The following ATXN1 variants were observed in gnomAD, a reference collection of about 807,000 sequenced individuals.
ATXN1 encodes the protein ataxin 1.
A neutral mutation model predicts 56.4 loss-of-function variants in ATXN1; 8 were observed. That is an observed-to-expected ratio of 0.14 (90% confidence interval 0.08 to 0.26). The LOEUF (loss-of-function observed/expected upper bound fraction) is 0.26, where lower values mean the gene tolerates loss of function less well. ATXN1 is among the 10% of genes least tolerant of loss of function. The probability of loss-of-function intolerance (pLI) is 1.00; values close to 1 mark genes in which losing one functional copy is unlikely to be tolerated. For missense variants in ATXN1, 987 were observed against 1,106.5 expected, an observed-to-expected ratio of 0.89 and a Z score of 1.53; for synonymous variants, 514 against 494.6, an observed-to-expected ratio of 1.04 and a Z score of -0.52.
chr6:16,301,798 G>T lies in ATXN1; in HGVS notation c.*4531C>A, dbSNP rs757369579. ...ACACAGCTCAAGAAGCCCGGCCTTC[G>T]GTACCGAGAGCTCTGCTTCCTCACC... On this transcript the variant is annotated 3_prime_UTR_variant, in exon 8 of 8. Coordinates refer to ENST00000436367, the MANE Select transcript of ATXN1 (RefSeq NM_001128164.2). 1 of 152,604 alleles carries T rather than the reference G, an allele frequency of 6.6e-6. No individual in the cohort carries two copies. The highest frequency in any genetic ancestry group is 1.5e-5 in the Non-Finnish European group (1 of 68,042). 9.5% of individuals were successfully genotyped at this position (152,604 alleles called of 1,614,324 possible).
intron 2 of ATXN1, 59 bp downstream of exon 2, chr6:16,753,172 AAT>A: frequency 2.2e-6 from 1 of 450,514 alleles, no homozygotes; most frequent in South Asian, 1.6e-5. Context: ...GCTAGGAGGC[AAT>A]TTTCCAGGTC....
chr6:16,414,884 G>A (rs1351133142), intron 6 of ATXN1, among the ~76,000 whole-genome samples: 2 of 152,088 alleles, frequency 1.3e-5, no homozygotes, highest in African/African-American at 4.8e-5. Context: ...ATTAATAAAA[G>A]TATACAATTT....
chr6:16,696,156 C>G (rs1196454892), intron 2 of ATXN1, among the ~76,000 whole-genome samples: 1 of 152,074 alleles, frequency 6.6e-6, no homozygotes, highest in African/African-American at 2.4e-5. Flanking sequence ...GCCACACTGG[C>G]TAGGTGGAGA....
intron 3 of ATXN1, among the ~76,000 whole-genome samples, chr6:16,594,192 AT>A (rs1416086433): frequency 6.7e-6 from 1 of 149,824 alleles, no homozygotes; most frequent in Non-Finnish European, 1.5e-5. Context: ...GACCTTTAAA[AT>A]TTTTTCAGCT....
intron 5 of ATXN1, among the ~76,000 whole-genome samples, chr6:16,521,000 A>G (rs1761277636): frequency 6.6e-6 from 1 of 152,206 alleles, no homozygotes; most frequent in African/African-American, 2.4e-5. Flanking sequence ...AAAATAATAA[A>G]CACAAGCTCT....
intron 2 of ATXN1, among the ~76,000 whole-genome samples, chr6:16,711,445 A>G (rs34533789): frequency 0.054 from 8,209 of 152,164 alleles, 371 homozygotes; most frequent in East Asian, 0.24. Flanking sequence ...ACACAGTTTA[A>G]AAAATGAAAA....
At chr6:16,570,416 T>C (rs1042806130) in intron 4 of ATXN1, among the ~76,000 whole-genome samples, 12 of 152,174 alleles carry the variant, frequency 7.9e-5, no homozygotes, top group Non-Finnish European at 1.8e-4. Flanking sequence ...ATAAGTATAA[T>C]TCAGAATTTT....
At chr6:16,589,460 T>C (rs1490123167) in intron 3 of ATXN1, among the ~76,000 whole-genome samples, 4 of 151,388 alleles carry the variant, frequency 2.6e-5, no homozygotes, top group Admixed American at 2.0e-4. Flanking sequence ...ATATTATATA[T>C]ACATCACACA....
intron 3 of ATXN1, among the ~76,000 whole-genome samples, chr6:16,603,374 C>A (rs1229657659): frequency 1.3e-5 from 2 of 152,220 alleles, no homozygotes; most frequent in Admixed American, 1.3e-4. Flanking sequence ...CCATTCCTCA[C>A]TGGGCCACCT....
At chr6:16,454,920 G>C (rs1387690266) in intron 6 of ATXN1, among the ~76,000 whole-genome samples, 1 of 152,132 alleles carries the variant, frequency 6.6e-6, no homozygotes, top group Non-Finnish European at 1.5e-5. Flanking sequence ...TAAGCAGCTT[G>C]GATATAAAAA....
At chr6:16,497,487 A>C (rs922822521) in intron 5 of ATXN1, among the ~76,000 whole-genome samples, 10 of 152,206 alleles carry the variant, frequency 6.6e-5, no homozygotes, top group African/African-American at 2.4e-4. Flanking sequence ...CAAAGTTAAA[A>C]GCACTTTAAC....
intron 2 of ATXN1, among the ~76,000 whole-genome samples, chr6:16,712,255 T>G (rs1450033831): frequency 6.6e-6 from 1 of 151,502 alleles, no homozygotes; most frequent in African/African-American, 2.4e-5. Context: ...ATGTACTTTC[T>G]TTTCACTATT....
At chr6:16,367,515 A>G (rs532103750) in intron 6 of ATXN1, among the ~76,000 whole-genome samples, 5 of 152,292 alleles carry the variant, frequency 3.3e-5, no homozygotes, top group African/African-American at 9.6e-5. Context: ...CACCCAGCAC[A>G]CATTCAGACT....
At chr6:16,421,353 G>T (rs919169943) in intron 6 of ATXN1, among the ~76,000 whole-genome samples, 1 of 150,090 alleles carries the variant, frequency 6.7e-6, no homozygotes, top group African/African-American at 2.5e-5. Context: ...AAAAAAAAAA[G>T]AATGAAATCA....
intron 3 of ATXN1, among the ~76,000 whole-genome samples, chr6:16,600,271 C>T (rs1340497819): frequency 1.3e-5 from 2 of 152,184 alleles, no homozygotes; most frequent in Admixed American, 1.3e-4. Context: ...ATAAAAGCAT[C>T]ATCCGGTGCT....
chr6:16,348,738 AGTT>A (rs1761500267), intron 6 of ATXN1, among the ~76,000 whole-genome samples: 2 of 152,262 alleles, frequency 1.3e-5, no homozygotes, highest in East Asian at 1.9e-4. Flanking sequence ...TATTTCATGA[AGTT>A]GTTATGAGAA....
intron 2 of ATXN1, among the ~76,000 whole-genome samples, chr6:16,684,829 T>C (rs1758883132): frequency 6.6e-6 from 1 of 150,528 alleles, no homozygotes. Context: ...AAGTTAAATG[T>C]CTCCTTTCTT....
chr6:16,398,717 C>T (rs946171373), intron 6 of ATXN1, among the ~76,000 whole-genome samples: 1 of 152,142 alleles, frequency 6.6e-6, no homozygotes, highest in Non-Finnish European at 1.5e-5. Flanking sequence ...TTTATCCTTG[C>T]AATATGTCTA....
chr6:16,692,992 A>G (rs886320176), intron 2 of ATXN1, among the ~76,000 whole-genome samples: 5 of 152,150 alleles, frequency 3.3e-5, no homozygotes, highest in African/African-American at 1.2e-4. Flanking sequence ...GGTGGAGTGC[A>G]TGGGCTCTGG....
Sources: gnomAD v4.1 joint callset for allele counts (sites outside exome capture counted in the v4.1 genomes callset) on GRCh38, gnomAD v4.1.1 for gene constraint, MANE v1.5 for transcripts, NCBI Gene and HGNC (gene_info 2026-07-23, HGNC 2026-07-21) for gene names.